PRKAG2: variants seen among roughly 807,000 people sequenced by gnomAD.
The protein encoded by PRKAG2 is protein kinase AMP-activated non-catalytic subunit gamma 2.
Under a neutral mutation model 69.6 loss-of-function variants are expected in PRKAG2, and 26 were observed. The ratio of observed to expected loss-of-function variants is 0.37; its 90% CI spans 0.27 to 0.52. The LOEUF (loss-of-function observed/expected upper bound fraction) is 0.52. PRKAG2 is among the 20% of genes least tolerant of loss of function. PRKAG2 has a pLI of 0.90. For missense variants in PRKAG2, 557 were observed against 740.0 expected (o/e 0.75, Z 2.87); for synonymous variants, 293 against 285.0 (o/e 1.03, Z -0.28).
At chr7:151,838,684 G>A (rs1259362720) in intron 1 of PRKAG2, among the ~76,000 whole-genome samples, 2 of 147,508 alleles carry the variant, frequency 1.4e-5, no homozygotes, top group Non-Finnish European at 3.0e-5. Context: ...TCCAGCCAGG[G>A]AGATAAAGCA....
intron 4 of PRKAG2, among the ~76,000 whole-genome samples, chr7:151,636,545 G>A (rs898202600): frequency 3.9e-5 from 6 of 152,078 alleles, no homozygotes; most frequent in African/African-American, 1.2e-4. Context: ...TTATCCTTTC[G>A]TCAGCTGATG....
chr7:151,779,036 G>A (rs960459615), intron 3 of PRKAG2, among the ~76,000 whole-genome samples: 3 of 152,010 alleles, frequency 2.0e-5, no homozygotes, highest in Non-Finnish European at 2.9e-5. Context: ...CCCCATAAAT[G>A]CTTTCCTTAC....
chr7:151,823,010 G>A (rs377053324), intron 1 of PRKAG2, among the ~76,000 whole-genome samples: 24 of 152,200 alleles, frequency 1.6e-4, no homozygotes, highest in African/African-American at 5.5e-4. Context: ...TCCTCCCAGC[G>A]ACCTGGTTTT....
At chr7:151,841,417 GGTAGGTAGGGATGGTAGTGATA>G (rs1433890923) in intron 1 of PRKAG2, among the ~76,000 whole-genome samples, 28 of 149,686 alleles carry the variant, frequency 1.9e-4, no homozygotes, top group African/African-American at 5.3e-4. Context: ...TGGTAGTGAT[GGTAGGTAGGGATGGTAGTGATA>G]GTAGGTAGGG....
Position 151,876,669 on chromosome 7 carries a change from C to T in PRKAG2, c.-49G>A, listed in dbSNP as rs1355494318. On this transcript the variant is annotated 5_prime_UTR_variant, in exon 1 of 16. Coordinates refer to ENST00000287878, the MANE Select transcript of PRKAG2 (RefSeq NM_016203.4). ...GCGAAACTCCTCGGGGGTTCGGTCC[C>T]CTCCTTCCCTCCCCCGGCCGCTGCC... is the stretch of plus-strand genomic sequence containing the variant. The T allele has an allele frequency of 6.5e-7, 1 of 1,548,272 alleles. No individual in the cohort carries two copies. The highest frequency in any genetic ancestry group is 1.1e-5 in the South Asian group (1 of 89,762).
At chr7:151,760,319 C>T (rs2075340099) in intron 3 of PRKAG2, among the ~76,000 whole-genome samples, 1 of 152,176 alleles carries the variant, frequency 6.6e-6, no homozygotes, top group Admixed American at 6.5e-5. Flanking sequence ...TCACTGCAAC[C>T]TCTGCTGCCC....
chr7:151,806,445 C>T (rs1267350688), intron 1 of PRKAG2: 1 of 153,206 alleles, frequency 6.5e-6, no homozygotes, highest in Non-Finnish European at 1.5e-5. Context: ...GGAAATTGCA[C>T]ATTTCACCCG....
intron 1 of PRKAG2, among the ~76,000 whole-genome samples, chr7:151,794,310 C>T (rs1231971995): frequency 2.6e-5 from 4 of 152,254 alleles, no homozygotes; most frequent in Non-Finnish European, 5.9e-5. Context: ...AATCCCTGGC[C>T]CGGAGTGCCC....
intron 15 of PRKAG2, 180 bp downstream of exon 15, chr7:151,560,340 CCTCA>C: frequency 6.6e-7 from 1 of 1,513,352 alleles, no homozygotes; most frequent in Non-Finnish European, 8.8e-7. Context: ...TATACACTTT[CCTCA>C]CTCACGCAGA....
At chr7:151,855,437 G>A (rs112002772) in intron 1 of PRKAG2, among the ~76,000 whole-genome samples, 38 of 17,004 alleles carry the variant, frequency 2.2e-3, no homozygotes, top group Non-Finnish European at 2.8e-3. Flanking sequence ...CACACACACC[G>A]CCCTCCACAC....
At chr7:151,873,111 A>G (rs1028646755) in intron 1 of PRKAG2, among the ~76,000 whole-genome samples, 1 of 152,234 alleles carries the variant, frequency 6.6e-6, no homozygotes, top group Non-Finnish European at 1.5e-5. Context: ...TGGCAACCCT[A>G]TGTCCAGGTC....
intron 3 of PRKAG2, among the ~76,000 whole-genome samples, chr7:151,730,168 A>G (rs1798704344): frequency 6.6e-6 from 1 of 152,198 alleles, no homozygotes; most frequent in South Asian, 2.1e-4. Flanking sequence ...TCTGACCACA[A>G]TTAAAATCCC....
In PRKAG2 at chr7:151,814,940, T is replaced by C; in HGVS notation, c.115-28399A>G. ...GCTTTTAAAAAGACAGGCAGCAGGA[T>C]GGAGGGAGGCAGGAGCAGAGGCCGA... On this transcript the variant is annotated intron_variant, in intron 1 of 15. Transcript: ENST00000287878. The surrounding 1 kb of genome is among the most constrained non-coding windows in gnomAD (Gnocchi z 4.8). The C allele has an allele frequency of 8.7e-7, 1 of 1,146,930 alleles. No homozygotes were observed. The highest frequency in any genetic ancestry group is 1.1e-6 in the Non-Finnish European group (1 of 911,482). 71.0% of individuals were successfully genotyped at this position (1,146,930 alleles called of 1,614,324 possible).
chr7:151,566,455 A>T (rs1365974412), intron 11 of PRKAG2: 2 of 313,928 alleles, frequency 6.4e-6, no homozygotes, highest in African/African-American at 4.3e-5. Flanking sequence ...AATTAAAAGA[A>T]TCTTTAAAAA....
chr7:151,594,156 G>A (rs1052410718), intron 6 of PRKAG2, among the ~76,000 whole-genome samples: 2 of 152,194 alleles, frequency 1.3e-5, no homozygotes, highest in African/African-American at 2.4e-5. Context: ...TGGTGCTCCC[G>A]AAGGCTCAGG....
chr7:151,793,953 G>C (rs79918575), intron 1 of PRKAG2, among the ~76,000 whole-genome samples: 22,575 of 152,298 alleles, frequency 0.15, 1,746 homozygotes, highest in Middle Eastern at 0.16. Flanking sequence ...AGAAGTTCCA[G>C]AGCCATTTAC....
At chr7:151,873,279 C>T (rs539313261) in intron 1 of PRKAG2, among the ~76,000 whole-genome samples, 1 of 152,316 alleles carries the variant, frequency 6.6e-6, no homozygotes, top group Non-Finnish European at 1.5e-5. Context: ...CCCACTTCTA[C>T]GTGACTCCTG....
chr7:151,855,589 A>ACACACACCG (rs2079751758), intron 1 of PRKAG2, among the ~76,000 whole-genome samples: 2 of 96,048 alleles, frequency 2.1e-5, no homozygotes, highest in African/African-American at 3.8e-5. Flanking sequence ...CACACACACC[A>ACACACACCG]CCCTCCACAC....
chr7:151,608,438 T>G (rs1818021146), intron 5 of PRKAG2, among the ~76,000 whole-genome samples: 1 of 152,206 alleles, frequency 6.6e-6, no homozygotes, highest in Non-Finnish European at 1.5e-5. Context: ...ACACACACCT[T>G]GTACTGAAGT....
Sources: gnomAD v4.1 joint callset for allele counts (sites outside exome capture counted in the v4.1 genomes callset) on GRCh38, gnomAD v4.1.1 for gene constraint, Gnocchi (gnomAD v3.1) non-coding constraint, MANE v1.5 for transcripts, NCBI Gene and HGNC (gene_info 2026-07-23, HGNC 2026-07-21) for gene names.